Variants in DLG2 observed in about 807,000 individuals in gnomAD.
DLG2 encodes the protein discs large MAGUK scaffold protein 2.
DLG2 carries 45 observed loss-of-function variants against 132.5 expected under a neutral mutation model. The observed-to-expected ratio is 0.34, with a 90% CI of 0.27 to 0.44. The LOEUF is 0.44. Among genes scored for constraint, DLG2 ranks in the 20% least tolerant of loss-of-function variants. The pLI is 1.00. For synonymous variants in DLG2, 424 were observed against 419.6 expected (o/e 1.01, Z -0.13); for missense variants, 1,045 against 1,196.9 (o/e 0.87, Z 1.87).
intron 6 of DLG2, among the ~76,000 whole-genome samples, chr11:84,789,523 T>A (rs2073470735): frequency 6.6e-6 from 1 of 152,100 alleles, no homozygotes; most frequent in African/African-American, 2.4e-5. Flanking sequence ...AAATGAAGTA[T>A]CTATCCCCTC....
At chr11:84,779,931 G>C (rs1442272937) in intron 6 of DLG2, among the ~76,000 whole-genome samples, 1 of 149,276 alleles carries the variant, frequency 6.7e-6, no homozygotes, top group Non-Finnish European at 1.5e-5. Flanking sequence ...ACCAGATTGT[G>C]ATATTCACAA....
chr11:84,066,212 A>G (rs2096669602), intron 10 of DLG2, among the ~76,000 whole-genome samples: 2 of 152,138 alleles, frequency 1.3e-5, no homozygotes, highest in African/African-American at 2.4e-5. Context: ...TACCCCCGAA[A>G]CTAAAGGTTT....
chr11:84,017,359 G>GTT (rs1056647893), intron 11 of DLG2, among the ~76,000 whole-genome samples: 2 of 151,906 alleles, frequency 1.3e-5, no homozygotes, highest in Non-Finnish European at 2.9e-5. Flanking sequence ...TGAAACCAAT[G>GTT]TTATATATAA....
intron 7 of DLG2, among the ~76,000 whole-genome samples, chr11:84,432,243 C>G: frequency 6.6e-6 from 1 of 152,080 alleles, no homozygotes; most frequent in East Asian, 1.9e-4. Context: ...ACAGATTAAG[C>G]AAAATCCTGG....
intron 19 of DLG2, among the ~76,000 whole-genome samples, chr11:83,588,040 G>T (rs112066330): frequency 0.016 from 2,461 of 152,290 alleles, 79 homozygotes; most frequent in African/African-American, 0.055. Flanking sequence ...ACTGCAAGGC[G>T]GCAGCGAGGC....
rs913702704 is a variant in DLG2 at position 84,085,035 on chromosome 11, C to T, written c.749+13888G>A. On this transcript the variant is annotated intron_variant, in intron 10 of 27. Coordinates refer to ENST00000376104, the MANE Select transcript of DLG2 (RefSeq NM_001142699.3). ...TGTTTCTACCAATTTAACTACTGCC[C>T]AGCTTTGATTTTCTGTGACAGTAGC... is the stretch of plus-strand genomic sequence containing the variant. Among the ~76,000 whole-genome samples the T allele has an allele frequency of 6.6e-5, 10 of 152,314 alleles. No homozygotes were observed. The East Asian group carries it at 1.9e-3, about 29-fold the overall frequency.
chr11:84,912,313 G>A (rs1206554299), intron 6 of DLG2, among the ~76,000 whole-genome samples: 2 of 152,080 alleles, frequency 1.3e-5, no homozygotes, highest in Non-Finnish European at 2.9e-5. Context: ...CCGCCACCAC[G>A]CCCGGCTACT....
rs1567609858 is a variant in DLG2, at chr11:84,428,768, G to T, written c.519+105802C>A. Among the ~76,000 whole-genome samples the T allele has an allele frequency of 5.9e-5, 9 of 152,336 alleles. No individual in the cohort carries two copies. In the South Asian group the frequency reaches 1.9e-3, roughly 32 times the overall value. On this transcript the variant is annotated intron_variant, in intron 7 of 27. Transcript: ENST00000376104. ...GGAGGTCACAATTCAGTCTGTAGCA[G>T]GTGGGATGGAGATTCTCTAAATAAC...
intron 3 of DLG2, among the ~76,000 whole-genome samples, chr11:85,376,456 C>T (rs1305134539): frequency 6.6e-6 from 1 of 152,136 alleles, no homozygotes; most frequent in Non-Finnish European, 1.5e-5. Context: ...GAGGCCTGAA[C>T]CAAGTTTTTT....
chr11:85,134,169 A>T (rs923184043), intron 5 of DLG2, among the ~76,000 whole-genome samples: 1 of 152,116 alleles, frequency 6.6e-6, no homozygotes, highest in Non-Finnish European at 1.5e-5. Context: ...TTGAAATATC[A>T]AAAATAAATG....
At chr11:85,224,271 G>C (rs1036179673) in intron 4 of DLG2, among the ~76,000 whole-genome samples, 4 of 152,124 alleles carry the variant, frequency 2.6e-5, no homozygotes, top group Admixed American at 2.6e-4. Flanking sequence ...AACAGGGGAG[G>C]AGAAAGAATA....
intron 11 of DLG2, among the ~76,000 whole-genome samples, chr11:84,015,356 T>C (rs2154070112): frequency 6.6e-6 from 1 of 152,266 alleles, no homozygotes; most frequent in East Asian, 1.9e-4. Context: ...ATTAACCTTT[T>C]ACATTTTTTT....
In DLG2 at chr11:85,249,501, TA is replaced by T. The variant is rs148196386; in HGVS notation, c.186+35718del. On this transcript the variant is annotated intron_variant, in intron 4 of 27. Coordinates refer to ENST00000376104, the MANE Select transcript of DLG2 (RefSeq NM_001142699.3). ...ATGCCCTCCTTGTAGGCTTAAAATC[TA>T]ATTGTTCTATGAGAATTGTATGTTG... Among the ~76,000 whole-genome samples the T allele has an allele frequency of 1.7e-3, 259 of 152,198 alleles. 1 individual carries two copies. The highest frequency in any genetic ancestry group is 6.1e-3 in the African/African-American group (254 of 41,550).
chr11:85,431,772 G>A (rs970941815), intron 3 of DLG2, among the ~76,000 whole-genome samples: 3 of 152,212 alleles, frequency 2.0e-5, no homozygotes, highest in Non-Finnish European at 4.4e-5. Flanking sequence ...CCAGATGAGT[G>A]GGGTCCCCCC....
chr11:85,104,679 A>G (rs1045209513), intron 6 of DLG2, among the ~76,000 whole-genome samples: 2 of 151,816 alleles, frequency 1.3e-5, no homozygotes, highest in Non-Finnish European at 2.9e-5. Context: ...CATTCATTGA[A>G]TTGTATACTT....
intron 8 of DLG2, among the ~76,000 whole-genome samples, chr11:84,200,249 G>A (rs565378302): frequency 6.6e-6 from 1 of 152,002 alleles, no homozygotes; most frequent in Non-Finnish European, 1.5e-5. Context: ...TCATATCAGA[G>A]AGCATTAATT....
At chr11:84,400,029 G>C (rs960724776) in intron 7 of DLG2, among the ~76,000 whole-genome samples, 3 of 152,172 alleles carry the variant, frequency 2.0e-5, no homozygotes, top group African/African-American at 7.2e-5. Flanking sequence ...GTTAATACAT[G>C]TTTGAAAATT....
chr11:83,830,073 G>A (rs180749057), intron 17 of DLG2, among the ~76,000 whole-genome samples: 1 of 152,248 alleles, frequency 6.6e-6, no homozygotes. Context: ...CTAGCTACAG[G>A]TGAAATACAT....
intron 3 of DLG2, among the ~76,000 whole-genome samples, chr11:85,301,645 A>G (rs1467144007): frequency 1.3e-5 from 2 of 152,220 alleles, no homozygotes; most frequent in African/African-American, 2.4e-5. Flanking sequence ...CTCCAAGAAC[A>G]CAAAGCCAGT....
Sources: allele counts gnomAD v4.1 joint callset (sites outside exome capture counted in the v4.1 genomes callset), GRCh38; gene constraint gnomAD v4.1.1; transcripts MANE v1.5; gene names NCBI Gene and HGNC (gene_info 2026-07-23, HGNC 2026-07-21).